CERS4: variants seen among roughly 807,000 people sequenced by gnomAD.
The protein encoded by CERS4 is LAG1 homolog, ceramide synthase 4.
In CERS4, 65 loss-of-function variants were observed where a neutral mutation model predicts 51.8. The observed-to-expected ratio is 1.26, with a 90% CI of 1.03 to 1.54. The LOEUF is 1.54. Ranked by LOEUF, CERS4 falls within the 40% of genes most tolerant of loss-of-function variation. The probability of loss-of-function intolerance (pLI) is 0.00; values close to 1 mark genes in which losing one functional copy is unlikely to be tolerated. For synonymous variants in CERS4, 228 were observed against 208.4 expected, an observed-to-expected ratio of 1.09 and a Z score of -0.81; for missense variants, 563 against 500.4, an observed-to-expected ratio of 1.13 and a Z score of -1.19.
chr19:8,225,395 C>T (rs981905269), intron 2 of CERS4, among the ~76,000 whole-genome samples: 4 of 148,338 alleles, frequency 2.7e-5, no homozygotes, highest in Non-Finnish European at 5.9e-5. Flanking sequence ...AGCAGGAAGG[C>T]AAGTCCTGTT....
At chr19:8,238,124 C>T (rs747808977) in intron 2 of CERS4, among the ~76,000 whole-genome samples, 62 of 152,178 alleles carry the variant, frequency 4.1e-4, no homozygotes, top group Middle Eastern at 3.4e-3. Flanking sequence ...AGACCAGATC[C>T]TCTCTCCTCC....
At chr19:8,259,117 G>C (rs1013741192) in intron 10 of CERS4, among the ~76,000 whole-genome samples, 1 of 152,230 alleles carries the variant, frequency 6.6e-6, no homozygotes, top group Admixed American at 6.5e-5. Flanking sequence ...CTGGGCGACA[G>C]AGCAAGACTC....
At chr19:8,242,158 C>T (rs1017750358) in intron 2 of CERS4, among the ~76,000 whole-genome samples, 1 of 152,208 alleles carries the variant, frequency 6.6e-6, no homozygotes, top group Non-Finnish European at 1.5e-5. Context: ...GCTCCCAGGG[C>T]TTTGAAGCAT....
At chr19:8,243,156 T>TGC (rs1380915360) in intron 2 of CERS4, among the ~76,000 whole-genome samples, 1 of 123,938 alleles carries the variant, frequency 8.1e-6, no homozygotes, top group Non-Finnish European at 1.6e-5. Flanking sequence ...ATCAGGCCAG[T>TGC]GCACTCCAGT....
intron 3 of CERS4, among the ~76,000 whole-genome samples, chr19:8,252,064 T>TAAA (rs35675044): frequency 9.4e-5 from 14 of 148,576 alleles, no homozygotes; most frequent in African/African-American, 2.7e-4. Context: ...TCATCTCTAT[T>TAAA]AAAAAAAAAA....
At chr19:8,213,611 C>T (rs978541234) in intron 2 of CERS4, among the ~76,000 whole-genome samples, 6 of 152,218 alleles carry the variant, frequency 3.9e-5, no homozygotes, top group Non-Finnish European at 7.4e-5. Context: ...CCTGGCCAAG[C>T]GCAGGCTTTT....
chr19:8,226,500 T>G (rs1413969092), intron 2 of CERS4, among the ~76,000 whole-genome samples: 1 of 152,118 alleles, frequency 6.6e-6, no homozygotes, highest in East Asian at 1.9e-4. Context: ...GGGCAGATGT[T>G]AGAGCAGGTT....
At chr19:8,233,190 G>T (rs1331091947) in intron 2 of CERS4, among the ~76,000 whole-genome samples, 1 of 151,792 alleles carries the variant, frequency 6.6e-6, no homozygotes, top group Non-Finnish European at 1.5e-5. Flanking sequence ...TTGGGGGGCG[G>T]AGTCTTGCTC....
chr19:8,249,445 C>T (rs1968958243), intron 2 of CERS4, among the ~76,000 whole-genome samples: 1 of 152,036 alleles, frequency 6.6e-6, no homozygotes, highest in Non-Finnish European at 1.5e-5. Flanking sequence ...TCGACCGCCA[C>T]TCCATTATCA....
chr19:8,260,057 G>A (rs1969598563), intron 10 of CERS4, among the ~76,000 whole-genome samples: 1 of 152,064 alleles, frequency 6.6e-6, no homozygotes, highest in Non-Finnish European at 1.5e-5. Flanking sequence ...AGAGAGGGAA[G>A]GGGCCCAGGG....
intron 2 of CERS4, among the ~76,000 whole-genome samples, chr19:8,212,867 C>T (rs1412268561): frequency 2.7e-5 from 4 of 150,684 alleles, no homozygotes; most frequent in African/African-American, 7.3e-5. Flanking sequence ...AGGCTGGTCT[C>T]GAACTCCTGA....
rs753830452 is a variant in CERS4, at chr19:8,261,888, T to TTC, written c.1006-41_1006-40dup. On this transcript the variant is annotated intron_variant, in intron 11 of 11. Transcript: ENST00000251363. ...GGGGGCCCCAGCCCTAAGCTCCTCC[T>TTC]TCCTCCCTGCTCTGAGCTCCATCCC... 3 of 1,612,898 alleles carry TTC rather than the reference T, an allele frequency of 1.9e-6. No homozygotes were observed. The African/African-American group carries it at 4.0e-5, about 22-fold the overall frequency.
chr19:8,229,467 G>T (rs892241155), intron 2 of CERS4, among the ~76,000 whole-genome samples: 3 of 151,822 alleles, frequency 2.0e-5, no homozygotes, highest in Non-Finnish European at 4.4e-5. Context: ...CTGGAGTTCA[G>T]TGCGATCCCA....
At position 8,256,646 on chromosome 19, in the gene CERS4, A is replaced by G; in HGVS notation, c.548A>G (p.Tyr183Cys). ...CTGAAGCCATCCCTGTACTGGTGGT[A>G]CCTCTTGGAGCTGGGTTTCTACCTC... ...QTLKPSLYWW[Y>C]LLELGFYLSL... The change falls in exon 8 of 12, where the codon TAC becomes TGC. Residue 183 changes from tyrosine to cysteine, a missense_variant. By Grantham distance (194) the Tyr-to-Cys change is radical. Transcript: ENST00000251363. The G allele has an allele frequency of 6.2e-7, 1 of 1,613,676 alleles. No homozygotes were observed. Among genetic ancestry groups the G allele is most frequent in the Non-Finnish European group, 8.5e-7 (1 of 1,179,840 alleles).
rs530660238 is a variant in CERS4, at chr19:8,255,352, G to A, written c.292-255G>A. Among the ~76,000 whole-genome samples, 21 of 152,226 alleles carry A rather than the reference G, an allele frequency of 1.4e-4. No homozygotes were observed. In the South Asian group the frequency reaches 1.9e-3, roughly 14 times the overall value. On this transcript the variant is annotated intron_variant, in intron 4 of 11. Transcript: ENST00000251363. Reference sequence around the variant, plus strand: ...TATCCGGGGGTAGGGGATGCTGCACGCCAGCATCTCTCTTAATCCCATCCC... The same window carrying A: ...TATCCGGGGGTAGGGGATGCTGCACACCAGCATCTCTCTTAATCCCATCCC...
chr19:8,217,013 G>A (rs1967328902), intron 2 of CERS4, among the ~76,000 whole-genome samples: 1 of 152,110 alleles, frequency 6.6e-6, no homozygotes, highest in Non-Finnish European at 1.5e-5. Context: ...GCTTCCCGGG[G>A]ACCTTGCTGG....
At chr19:8,232,512 G>A (rs1027019666) in intron 2 of CERS4, among the ~76,000 whole-genome samples, 2 of 151,492 alleles carry the variant, frequency 1.3e-5, no homozygotes, top group Non-Finnish European at 2.9e-5. Context: ...GGCTGATCTC[G>A]AACTCCCGAC....
rs1969481821 is a variant in CERS4 at position 8,257,915 on chromosome 19, G to C, written c.778G>C (p.Val260Leu). The change falls in exon 10 of 12, where the codon GTG (valine) becomes CTG (leucine). Residue 260 changes from valine (V) to leucine (L), a missense_variant. Transcript: ENST00000251363. ...KMVNYMQYQQVCDALFLIFSF... is the reference protein window; with the variant it reads ...KMVNYMQYQQLCDALFLIFSF... ...GGTCAACTACATGCAGTATCAGCAA[G>C]TGTGCGACGCTCTCTTCCTCATCTT... The C allele has an allele frequency of 1.2e-6, 2 of 1,613,928 alleles. No individual in the cohort carries two copies. The highest frequency in any genetic ancestry group is 1.7e-6 in the Non-Finnish European group (2 of 1,179,992).
At chr19:8,258,503 G>A (rs983886852) in intron 10 of CERS4, among the ~76,000 whole-genome samples, 1 of 152,066 alleles carries the variant, frequency 6.6e-6, no homozygotes, top group South Asian at 2.1e-4. Context: ...GAGGTCAGGA[G>A]TTCCAGACCA....
Sources: gnomAD v4.1 joint callset for allele counts (sites outside exome capture counted in the v4.1 genomes callset) on GRCh38, gnomAD v4.1.1 for gene constraint, MANE v1.5 for transcripts, NCBI Gene and HGNC (gene_info 2026-07-23, HGNC 2026-07-21) for gene names.